The following ST7L variants were observed in gnomAD, a reference collection of about 807,000 sequenced individuals.
ST7L encodes the protein suppressor of tumorigenicity 7 protein-like.
ST7L carries 57 observed loss-of-function variants against 72.5 expected under a neutral mutation model. The ratio of observed to expected loss-of-function variants is 0.79; its 90% CI spans 0.64 to 0.98. ST7L has a LOEUF of 0.98. Ranked by LOEUF, ST7L falls within the 50% of genes least tolerant of loss-of-function variation. The probability of loss-of-function intolerance (pLI) is 0.00; values close to 1 mark genes in which losing one functional copy is unlikely to be tolerated. For missense variants in ST7L, 576 were observed against 672.2 expected, an observed-to-expected ratio of 0.86 and a Z score of 1.58; for synonymous variants, 221 against 240.9, an observed-to-expected ratio of 0.92 and a Z score of 0.77.
At chr1:112,526,211 GC>G in intron 14 of ST7L, 100 bp from the exon 15 acceptor site, 1 of 1,537,866 alleles carries the variant, frequency 6.5e-7, no homozygotes. Flanking sequence ...AACAGCCTAG[GC>G]CCTCCTGAAC....
In ST7L at chr1:112,566,294, C is replaced by CTTTTT. The variant is rs33915951; in HGVS notation, c.1246-10277_1246-10276insAAAAA. On this transcript the variant is annotated intron_variant, in intron 11 of 14. Transcript: ENST00000358039. ...TTTTCTTTTATTTCTTTTTCTTCTT[C>CTTTTT]TTCTTTTTTTTTTTTTTTTTTGAGA... Among the ~76,000 whole-genome samples the CTTTTT allele has an allele frequency of 5.9e-3, 642 of 108,894 alleles. 12 individuals are homozygous for CTTTTT. The highest frequency in any genetic ancestry group is 7.5e-3 in the Non-Finnish European group (434 of 58,156). The allele number at this position is 108,894 out of a possible 152,430, so 71.4% of individuals were successfully genotyped here.
At chr1:112,557,730 A>C (rs1659434410) in intron 11 of ST7L, among the ~76,000 whole-genome samples, 1 of 152,290 alleles carries the variant, frequency 6.6e-6, no homozygotes, top group East Asian at 1.9e-4. Context: ...AATGTGGATG[A>C]GTGGACTGGG....
At position 112,582,105 on chromosome 1, in the gene ST7L, A is replaced by C; in HGVS notation, c.956T>G (p.Leu319Trp). Residue 319 changes from leucine to tryptophan, a missense_variant and splice_region_variant, in exon 9 of 15, where the codon TTG becomes TGG. Physicochemically the swap from Leu to Trp is moderately conservative, Grantham distance 61 (BLOSUM62 -2). Transcript: ENST00000358039. ...IREAVKIMRD[L>W]MKEFPPLTML... is the part of the protein sequence containing the mutation. ...GGTAAGAGGAGGAAATTCTTTCATCAACTGTATATTAAAAGGAAAAGAAAG... is the reference window on the plus strand; with the variant it reads ...GGTAAGAGGAGGAAATTCTTTCATCCACTGTATATTAAAAGGAAAAGAAAG... 6.3e-7 allele frequency: 1 copy of C among 1,582,694 alleles called. No individual in the cohort carries two copies. Among genetic ancestry groups the C allele is most frequent in the Non-Finnish European group, 8.7e-7 (1 of 1,152,802 alleles).
At chr1:112,598,492 G>A (rs923914656) in intron 4 of ST7L, among the ~76,000 whole-genome samples, 27 of 150,426 alleles carry the variant, frequency 1.8e-4, no homozygotes, top group African/African-American at 5.6e-4. Context: ...GCTTGCACCC[G>A]TAATCCCAGC....
intron 3 of ST7L, among the ~76,000 whole-genome samples, chr1:112,605,913 C>A (rs1342668520): frequency 1.3e-5 from 2 of 152,200 alleles, no homozygotes; most frequent in African/African-American, 4.8e-5. Flanking sequence ...GAGCAGCAGT[C>A]CTGGATTTGG....
At chr1:112,520,631 TAG>T, downstream of ST7L, 1 of 1,024,284 alleles carries the variant, frequency 9.8e-7, no homozygotes, top group Non-Finnish European at 1.5e-6. Flanking sequence ...TTTAAGGATG[TAG>T]AGAGTAATCC....
intron 10 of ST7L, 105 bp downstream of exon 10, chr1:112,578,240 G>A: frequency 1.8e-6 from 2 of 1,138,252 alleles, no homozygotes; most frequent in Admixed American, 3.6e-5. Context: ...GGGCTATTCA[G>A]AAGGAAGTAG....
chr1:112,582,465 A>G lies in ST7L; in HGVS notation c.864T>C (p.Asp288=). Residue 288 remains aspartate, a synonymous_variant, in exon 8 of 15, where the codon GAT becomes GAC. Coordinates refer to ENST00000358039, the MANE Select transcript of ST7L (RefSeq NM_017744.5). ...TTTTAATATATACCAGTACATTGGT[A>G]TCTCTCCCTATTTAGAAAAACAAAA... ...SPQHEAQLRR[D]TNVLVYIKRR... The G allele has an allele frequency of 6.3e-7, 1 of 1,592,092 alleles. No individual in the cohort carries two copies. Among genetic ancestry groups the G allele is most frequent in the Non-Finnish European group, 8.6e-7 (1 of 1,167,768 alleles).
Position 112,591,616 on chromosome 1 carries a change from A to T in ST7L, c.623-13T>A. On this transcript the variant is annotated splice_polypyrimidine_tract_variant and intron_variant, in intron 5 of 14. Coordinates refer to ENST00000358039, the MANE Select transcript of ST7L (RefSeq NM_017744.5). ...GCCTTCTGCATAACTGTAGAAAAAAATTCCATAAAATAGATGAGATGGTAA... is the reference window on the plus strand; with the variant it reads ...GCCTTCTGCATAACTGTAGAAAAAATTTCCATAAAATAGATGAGATGGTAA... 6.2e-7 allele frequency: 1 copy of T among 1,600,126 alleles called. No homozygotes were observed. The highest frequency in any genetic ancestry group is 8.5e-7 in the Non-Finnish European group (1 of 1,174,794).
At chr1:112,614,320 G>A (rs1669526095) in intron 2 of ST7L, among the ~76,000 whole-genome samples, 1 of 152,080 alleles carries the variant, frequency 6.6e-6, no homozygotes, top group Admixed American at 6.6e-5. Context: ...GGCATTAAGG[G>A]ATTCTCCCAC....
At chr1:112,619,413 C>CCT, upstream of ST7L, 1 of 543,906 alleles carries the variant, frequency 1.8e-6, no homozygotes, top group African/African-American at 1.9e-5. Flanking sequence ...CACCGCCCCC[C>CCT]CCCCGGGGTT....
At chr1:112,546,194 C>G (rs894957121) in intron 13 of ST7L, among the ~76,000 whole-genome samples, 18 of 151,870 alleles carry the variant, frequency 1.2e-4, no homozygotes, top group African/African-American at 3.9e-4. Context: ...TGGCACATGC[C>G]TGTGGTCCCA....
chr1:112,577,017 C>G lies in ST7L; in HGVS notation c.1214G>C (p.Arg405Thr), dbSNP rs1663207603. Residue 405 changes from arginine (R) to threonine (T), a missense_variant, in exon 11 of 15, where the codon AGA becomes ACA. Arg to Thr is a moderately conservative substitution (Grantham distance 71, BLOSUM62 -1). Coordinates refer to ENST00000358039, the MANE Select transcript of ST7L (RefSeq NM_017744.5). ...AACATGAGGATTAAATTCCACAGCTCTATGAATTGCTTCCACGGCATTAAT... is the reference window on the plus strand; with the variant it reads ...AACATGAGGATTAAATTCCACAGCTGTATGAATTGCTTCCACGGCATTAAT... ...AEINAVEAIH[R>T]AVEFNPHVPK... is the part of the protein sequence containing the mutation. The G allele has an allele frequency of 1.9e-6, 3 of 1,608,826 alleles. No homozygotes were observed. The highest frequency in any genetic ancestry group is 2.5e-6 in the Non-Finnish European group (3 of 1,176,954).
At chr1:112,533,805 G>A (rs185339607) in intron 14 of ST7L, among the ~76,000 whole-genome samples, 7 of 152,112 alleles carry the variant, frequency 4.6e-5, no homozygotes, top group East Asian at 3.9e-4. Flanking sequence ...ACAGGGGTGC[G>A]CCACCATGCC....
chr1:112,578,277 A>C (rs1465840968), intron 10 of ST7L, 68 bp downstream of exon 10: 2 of 1,383,076 alleles, frequency 1.4e-6, no homozygotes, highest in African/African-American at 1.4e-5. Context: ...GTTTAAAGTC[A>C]GTAGAGGACA....
chr1:112,577,570 G>A (rs1663341983), intron 10 of ST7L, among the ~76,000 whole-genome samples: 1 of 150,802 alleles, frequency 6.6e-6, no homozygotes, highest in Non-Finnish European at 1.5e-5. Flanking sequence ...AGTCTTGTGG[G>A]TTCAACATAG....
At chr1:112,560,042 A>G (rs1284939865) in intron 11 of ST7L, among the ~76,000 whole-genome samples, 2 of 152,144 alleles carry the variant, frequency 1.3e-5, no homozygotes, top group Non-Finnish European at 2.9e-5. Flanking sequence ...TTTGTTATCG[A>G]TTATTATTGG....
At chr1:112,604,329 C>T (rs1192667237) in intron 3 of ST7L, among the ~76,000 whole-genome samples, 3 of 151,098 alleles carry the variant, frequency 2.0e-5, no homozygotes, top group African/African-American at 7.4e-5. Flanking sequence ...AATAAAAATA[C>T]AACAATTCTC....
intron 11 of ST7L, among the ~76,000 whole-genome samples, chr1:112,567,556 T>G (rs1661248072): frequency 6.6e-6 from 1 of 152,162 alleles, no homozygotes; most frequent in Non-Finnish European, 1.5e-5. Flanking sequence ...TCTTAGATGT[T>G]TTGGTCTAGA....
Sources: gnomAD v4.1 joint callset for allele counts (sites outside exome capture counted in the v4.1 genomes callset) on GRCh38, gnomAD v4.1.1 for gene constraint, MANE v1.5 for transcripts, NCBI Gene and HGNC (gene_info 2026-07-23, HGNC 2026-07-21) for gene names.